The following RAB38 variants were observed in gnomAD, a reference collection of about 807,000 sequenced individuals.
RAB38 encodes RAB38, member RAS oncogene family.
RAB38 carries 15 observed loss-of-function variants against 18.4 expected under a neutral mutation model. That is an observed-to-expected ratio of 0.82 (90% confidence interval 0.55 to 1.26). The LOEUF is 1.26. Ranked by LOEUF, RAB38 falls within the 50% of genes most tolerant of loss-of-function variation. The pLI is 0.00. For synonymous variants in RAB38, 101 were observed against 104.4 expected, an observed-to-expected ratio of 0.97 and a Z score of 0.20; for missense variants, 294 against 267.4, an observed-to-expected ratio of 1.10 and a Z score of -0.69.
At chr11:87,825,071 A>G in the RAB38 span, among the ~76,000 whole-genome samples, 1 of 152,116 alleles carries the variant, frequency 6.6e-6, no homozygotes, top group African/African-American at 2.4e-5. Context: ...GAACTTCCCA[A>G]CACCAACAAC....
At chr11:88,043,376 G>C in the RAB38 span, among the ~76,000 whole-genome samples, 2 of 152,144 alleles carry the variant, frequency 1.3e-5, no homozygotes, top group Non-Finnish European at 2.9e-5. Context: ...GATGGAGGCA[G>C]GGAAGGAGAT....
At chr11:88,072,817 G>C in the RAB38 span, among the ~76,000 whole-genome samples, 1 of 151,568 alleles carries the variant, frequency 6.6e-6, no homozygotes. Flanking sequence ...AAAAAAAAAA[G>C]ACTTCTGGTT....
chr11:87,913,276 TC>T, the RAB38 span, among the ~76,000 whole-genome samples: 106 of 152,256 alleles, frequency 7.0e-4, no homozygotes, highest in African/African-American at 2.5e-3. Flanking sequence ...GTCTACTTTT[TC>T]TATCAGTTAT....
chr11:88,022,000 A>C, the RAB38 span, among the ~76,000 whole-genome samples: 3 of 152,096 alleles, frequency 2.0e-5, no homozygotes, highest in Non-Finnish European at 4.4e-5. Context: ...CTCATTCTAT[A>C]AAGCCAGTAT....
At chr11:87,916,956 A>G in the RAB38 span, among the ~76,000 whole-genome samples, 1 of 152,158 alleles carries the variant, frequency 6.6e-6, no homozygotes, top group Non-Finnish European at 1.5e-5. Flanking sequence ...GATTACTTAC[A>G]AATCCCAGAG....
chr11:87,906,515 CCCTA>C, the RAB38 span, among the ~76,000 whole-genome samples: 1 of 151,816 alleles, frequency 6.6e-6, no homozygotes, highest in African/African-American at 2.4e-5. Context: ...ATATTAAGCA[CCCTA>C]CCAAATATTA....
the RAB38 span, among the ~76,000 whole-genome samples, chr11:87,860,667 AT>A: frequency 6.6e-6 from 1 of 152,014 alleles, no homozygotes; most frequent in Non-Finnish European, 1.5e-5. Context: ...CACTAAGCTG[AT>A]TTAAAATAAT....
At chr11:87,842,967 T>C in the RAB38 span, among the ~76,000 whole-genome samples, 9 of 152,182 alleles carry the variant, frequency 5.9e-5, 1 homozygote, top group Admixed American at 2.0e-4. Context: ...GGAAACAAGC[T>C]GTAGGGGAAA....
intron 2 of RAB38, among the ~76,000 whole-genome samples, chr11:88,145,574 C>T (rs1339283476): frequency 6.6e-6 from 1 of 152,056 alleles, no homozygotes; most frequent in African/African-American, 2.4e-5. Context: ...GTAATTTGTT[C>T]AGCAGGTAGC....
the RAB38 span, among the ~76,000 whole-genome samples, chr11:87,922,605 C>G: frequency 6.6e-6 from 1 of 151,826 alleles, no homozygotes; most frequent in Non-Finnish European, 1.5e-5. Context: ...TGGAGATTTT[C>G]CCTCTTAAAA....
At chr11:88,093,755 A>G in the RAB38 span, among the ~76,000 whole-genome samples, 17,004 of 151,932 alleles carry the variant, frequency 0.11, 1,241 homozygotes, top group Admixed American at 0.2. Context: ...GCTTCAATCC[A>G]TCTTTCAGCC....
the RAB38 span, among the ~76,000 whole-genome samples, chr11:87,812,293 T>G: frequency 6.6e-6 from 1 of 152,202 alleles, no homozygotes; most frequent in Non-Finnish European, 1.5e-5. Context: ...GATGCTCTGA[T>G]TGCCCTTAGG....
the RAB38 span, among the ~76,000 whole-genome samples, chr11:87,873,920 G>GTATATATA: frequency 3.8e-4 from 13 of 33,830 alleles, no homozygotes; most frequent in East Asian, 4.0e-3. Flanking sequence ...GTGTGTGTGT[G>GTATATATA]TGTATATATA....
At chr11:88,110,189 TA>T (rs1942454795), downstream of RAB38, among the ~76,000 whole-genome samples, 2 of 152,046 alleles carry the variant, frequency 1.3e-5, no homozygotes, top group South Asian at 4.1e-4. Flanking sequence ...AATGAAGCCA[TA>T]AAAAAGGATA....
the RAB38 span, among the ~76,000 whole-genome samples, chr11:87,937,351 T>TATATATATATATATA: frequency 1.1e-4 from 12 of 112,128 alleles, no homozygotes; most frequent in South Asian, 9.7e-4. Flanking sequence ...TATATATATA[T>TATATATATATATATA]CATAATTCTA....
chr11:87,943,768 C>A, the RAB38 span, among the ~76,000 whole-genome samples: 2 of 152,188 alleles, frequency 1.3e-5, no homozygotes, highest in Middle Eastern at 3.4e-3. Context: ...ACAGAGGCAA[C>A]TGAATGTGTC....
the RAB38 span, among the ~76,000 whole-genome samples, chr11:88,069,474 G>T: frequency 9.1e-4 from 138 of 152,346 alleles, no homozygotes; most frequent in African/African-American, 3.3e-3. Context: ...CCACGGCCCT[G>T]GTGCGGGATC....
the RAB38 span, among the ~76,000 whole-genome samples, chr11:88,041,616 T>A: frequency 0.68 from 102,794 of 152,038 alleles, 34,938 homozygotes; most frequent in East Asian, 0.76. Flanking sequence ...AATGCATAGA[T>A]CAGTTGGTTG....
chr11:88,027,943 CAT>C, the RAB38 span, among the ~76,000 whole-genome samples: 1 of 152,098 alleles, frequency 6.6e-6, no homozygotes, highest in Non-Finnish European at 1.5e-5. Context: ...GTCCCTGACC[CAT>C]GACCCCTGAG....
Sources: gnomAD v4.1 joint callset for allele counts (sites outside exome capture counted in the v4.1 genomes callset) on GRCh38, gnomAD v4.1.1 for gene constraint, MANE v1.5 for transcripts, NCBI Gene and HGNC (gene_info 2026-07-23, HGNC 2026-07-21) for gene names.